The following FABP7 variants were observed in gnomAD, a reference collection of about 807,000 sequenced individuals.
FABP7 encodes fatty acid binding protein 7.
In FABP7, 13 loss-of-function variants were observed where a neutral mutation model predicts 14.2. The observed-to-expected ratio is 0.91, with a 90% CI of 0.59 to 1.45. FABP7 has a LOEUF of 1.45. Among genes scored for constraint, FABP7 ranks in the 40% most tolerant of loss-of-function variants. The pLI, the probability that FABP7 is intolerant of heterozygous loss-of-function variation, is 0.00. For synonymous variants in FABP7, 49 were observed against 51.4 expected, an observed-to-expected ratio of 0.95 and a Z score of 0.20; for missense variants, 149 against 157.6, an observed-to-expected ratio of 0.95 and a Z score of 0.29.
chr6:122,781,129 A>G lies in FABP7; in HGVS notation c.283A>G (p.Ile95Val), dbSNP rs750257199. Residue 95 changes from isoleucine to valine, a missense_variant, in exon 3 of 4, where the codon ATA (isoleucine) becomes GTA (valine). By Grantham distance (29) the Ile-to-Val change is conservative. Coordinates refer to ENST00000368444, the MANE Select transcript of FABP7 (RefSeq NM_001446.5). The part of the protein sequence containing the change: ...VSLDGDKLVH[I>V]QKWDGKETNF... ...CCTGGATGGAGACAAACTTGTTCAC[A>G]TACAGAAATGGGATGGCAAAGAAAC... 3.1e-6 allele frequency: 5 copies of G among 1,614,010 alleles called. No individual in the cohort carries two copies. Among genetic ancestry groups the G allele is most frequent in the Non-Finnish European group, 4.2e-6 (5 of 1,179,916 alleles).
the FABP7 span, among the ~76,000 whole-genome samples, chr6:122,770,060 T>A: frequency 6.6e-6 from 1 of 152,138 alleles, no homozygotes; most frequent in Non-Finnish European, 1.5e-5. Flanking sequence ...GCAAATAATG[T>A]GTTGCACAGA....
the FABP7 span, among the ~76,000 whole-genome samples, chr6:122,774,389 CAGAG>C: frequency 0.69 from 85,872 of 125,138 alleles, 31,594 homozygotes; most frequent in Non-Finnish European, 0.82. Context: ...AAAAAAAAGA[CAGAG>C]AGAGAGAGAA....
chr6:122,780,260 G>A, intron 1 of FABP7, 31 bp from the exon 2 acceptor site: 1 of 1,610,432 alleles, frequency 6.2e-7, no homozygotes, highest in Non-Finnish European at 8.5e-7. Context: ...GGAAGTCGCT[G>A]CAGACTGTAC....
the FABP7 span, among the ~76,000 whole-genome samples, chr6:122,756,993 C>T: frequency 6.6e-6 from 1 of 152,176 alleles, no homozygotes; most frequent in South Asian, 2.1e-4. Flanking sequence ...CACTTCTTTG[C>T]ACTGTCCACA....
At chr6:122,760,680 A>T in the FABP7 span, among the ~76,000 whole-genome samples, 2 of 152,148 alleles carry the variant, frequency 1.3e-5, no homozygotes, top group African/African-American at 4.8e-5. Context: ...GGAGTGATTT[A>T]CATTGTAAAA....
intron 1 of FABP7, 96 bp downstream of exon 1, chr6:122,779,963 G>C: frequency 8.5e-7 from 1 of 1,180,554 alleles, no homozygotes; most frequent in Admixed American, 1.9e-5. Context: ...AAGAGGCAAA[G>C]ACAGATCACA....
At chr6:122,750,493 CAT>C in the FABP7 span, among the ~76,000 whole-genome samples, 1 of 152,184 alleles carries the variant, frequency 6.6e-6, no homozygotes, top group African/African-American at 2.4e-5. Flanking sequence ...TACAACCAGA[CAT>C]GTGCAATAAT....
chr6:122,763,751 A>G, the FABP7 span, among the ~76,000 whole-genome samples: 1 of 152,348 alleles, frequency 6.6e-6, no homozygotes, highest in Non-Finnish European at 1.5e-5. Context: ...GACACTTCTC[A>G]AAAGAAGACA....
chr6:122,781,531 A>G, intron 3 of FABP7: 1 of 1,323,626 alleles, frequency 7.6e-7, no homozygotes, highest in East Asian at 2.6e-5. Context: ...TTTAATATAA[A>G]GCCCATAATC....
the FABP7 span, among the ~76,000 whole-genome samples, chr6:122,760,193 CAA>C: frequency 1.3e-5 from 2 of 152,094 alleles, no homozygotes; most frequent in Non-Finnish European, 1.5e-5. Flanking sequence ...CCCAAGTATT[CAA>C]AGAGTCAGTC....
chr6:122,778,192 A>G (rs769924657), upstream of FABP7, among the ~76,000 whole-genome samples: 1 of 152,156 alleles, frequency 6.6e-6, no homozygotes, highest in Non-Finnish European at 1.5e-5. Context: ...AAAACATTTT[A>G]CAGAGTTTGG....
the FABP7 span, among the ~76,000 whole-genome samples, chr6:122,757,087 C>A: frequency 6.6e-6 from 1 of 152,190 alleles, no homozygotes; most frequent in African/African-American, 2.4e-5. Context: ...CTTCTGGTTT[C>A]TCCTAAGTGT....
chr6:122,758,824 A>T, the FABP7 span, among the ~76,000 whole-genome samples: 1 of 152,236 alleles, frequency 6.6e-6, no homozygotes, highest in Non-Finnish European at 1.5e-5. Flanking sequence ...ATATGTGCAT[A>T]TAAGTTATGA....
chr6:122,776,766 T>C (rs1286457828), upstream of FABP7, among the ~76,000 whole-genome samples: 2 of 152,224 alleles, frequency 1.3e-5, no homozygotes, highest in African/African-American at 4.8e-5. Context: ...TGCATCCAAA[T>C]ATCGTATGTA....
At chr6:122,775,571 A>G (rs1249212574), upstream of FABP7, among the ~76,000 whole-genome samples, 2 of 152,096 alleles carry the variant, frequency 1.3e-5, no homozygotes, top group African/African-American at 4.8e-5. Flanking sequence ...ACCAGAAAAC[A>G]TTGGTGAAAT....
intron 3 of FABP7, chr6:122,782,718 G>A: frequency 1.0e-6 from 1 of 985,364 alleles, no homozygotes; most frequent in Non-Finnish European, 1.2e-6. Context: ...TTTAAGAATG[G>A]GGACTCATGT....
chr6:122,780,408 G>A lies in FABP7; in HGVS notation c.191G>A (p.Ser64Asn). ...TLSTFKNTEI[S>N]FQLGEEFDET... The stretch of plus-strand genomic sequence containing the variant: ...AGCACATTCAAGAACACGGAGATTA[G>A]TTTCCAGCTGGGAGAAGAGTTTGAT... Residue 64 changes from serine (S) to asparagine (N), a missense_variant, in exon 2 of 4, where the codon AGT becomes AAT. Coordinates refer to ENST00000368444, the MANE Select transcript of FABP7 (RefSeq NM_001446.5). The A allele has an allele frequency of 6.2e-7, 1 of 1,614,044 alleles. No individual in the cohort carries two copies. The highest frequency in any genetic ancestry group is 8.5e-7 in the Non-Finnish European group (1 of 1,180,004).
intron 2 of FABP7, 154 bp downstream of exon 2, chr6:122,780,617 T>A: frequency 1.3e-6 from 1 of 790,026 alleles, no homozygotes; most frequent in East Asian, 2.7e-5. Context: ...TTAATGTGCA[T>A]ATGTTATATT....
rs142639478 is a variant in FABP7, at chr6:122,779,856, T to C, written c.62T>C (p.Met21Thr). The C allele has an allele frequency of 8.7e-5, 140 of 1,613,940 alleles. No individual in the cohort carries two copies. Among genetic ancestry groups the C allele is most frequent in the Non-Finnish European group, 1.2e-4 (137 of 1,179,970 alleles). The change falls in exon 1 of 4, where the codon ATG becomes ACG. Residue 21 changes from methionine to threonine, a missense_variant. Coordinates refer to ENST00000368444, the MANE Select transcript of FABP7 (RefSeq NM_001446.5). ...AACAGTCAGAACTTTGATGAGTACA[T>C]GAAGGCTCTAGGTAGGTAACAATAA... is the stretch of plus-strand genomic sequence containing the variant. ...LTNSQNFDEY[M>T]KALGVGFATR... is the part of the protein sequence containing the mutation.
Sources: gnomAD v4.1 joint callset for allele counts (sites outside exome capture counted in the v4.1 genomes callset) on GRCh38, gnomAD v4.1.1 for gene constraint, MANE v1.5 for transcripts, NCBI Gene and HGNC (gene_info 2026-07-23, HGNC 2026-07-21) for gene names.